Variants in KIF13A observed in about 807,000 individuals in gnomAD.
The protein encoded by KIF13A is kinesin-like protein KIF13A.
Under a neutral mutation model 212.2 loss-of-function variants are expected in KIF13A, and 79 were observed. That is an observed-to-expected ratio of 0.37 (90% CI 0.31 to 0.45). KIF13A has a LOEUF of 0.45. Among genes scored for constraint, KIF13A ranks in the 20% least tolerant of loss-of-function variants. The probability of loss-of-function intolerance (pLI) is 1.00; values close to 1 mark genes in which losing one functional copy is unlikely to be tolerated. For synonymous variants in KIF13A, 789 were observed against 808.6 expected, an observed-to-expected ratio of 0.98 and a Z score of 0.41; for missense variants, 1,901 against 2,209.0, an observed-to-expected ratio of 0.86 and a Z score of 2.79.
At position 17,783,938 on chromosome 6, in the gene KIF13A, A is replaced by T. The variant is rs1760827863; in HGVS notation, c.3489-237T>A. Among the ~76,000 whole-genome samples, 1 of 152,234 alleles carries T rather than the reference A, an allele frequency of 6.6e-6. No homozygotes were observed. Among genetic ancestry groups the T allele is most frequent in the Admixed American group, 6.5e-5 (1 of 15,288 alleles). ...CATGTAATTAATTGAAACAAAGATG[A>T]TTTTAAGCCTTTCTAAAAATAATTC... On this transcript the variant is annotated intron_variant, in intron 28 of 38. Transcript: ENST00000259711. This position sits in a 1 kb window ranked among gnomAD's most constrained non-coding sequence, Gnocchi z 4.3.
At chr6:17,890,360 C>T (rs575117814) in intron 3 of KIF13A, among the ~76,000 whole-genome samples, 153 of 151,992 alleles carry the variant, frequency 1.0e-3, no homozygotes, top group Non-Finnish European at 1.9e-3. Flanking sequence ...GAAACTTGAC[C>T]CAGATAAGAC....
intron 3 of KIF13A, among the ~76,000 whole-genome samples, chr6:17,880,759 T>C (rs940176281): frequency 6.6e-6 from 1 of 151,278 alleles, no homozygotes; most frequent in African/African-American, 2.4e-5. Flanking sequence ...TAGCTAGGAC[T>C]ACAGGCACAT....
At chr6:17,973,617 T>TA (rs1780013583) in intron 2 of KIF13A, among the ~76,000 whole-genome samples, 1 of 151,324 alleles carries the variant, frequency 6.6e-6, no homozygotes, top group Non-Finnish European at 1.5e-5. Flanking sequence ...CATTACAACT[T>TA]AAAGAAAAAA....
intron 2 of KIF13A, among the ~76,000 whole-genome samples, chr6:17,938,306 C>T (rs1247799857): frequency 6.6e-6 from 1 of 152,106 alleles, no homozygotes; most frequent in Non-Finnish European, 1.5e-5. Context: ...CAACAAAGAC[C>T]TACCAAATGA....
intron 19 of KIF13A, among the ~76,000 whole-genome samples, chr6:17,804,898 C>G (rs1762813332): frequency 6.9e-6 from 1 of 145,170 alleles, no homozygotes; most frequent in Non-Finnish European, 1.5e-5. Context: ...AATGCCTGTG[C>G]AGAAGATTCC....
At chr6:17,911,492 TA>T (rs1774058006) in intron 2 of KIF13A, among the ~76,000 whole-genome samples, 1 of 152,230 alleles carries the variant, frequency 6.6e-6, no homozygotes, top group African/African-American at 2.4e-5. Context: ...AACACTTTTT[TA>T]AAATAAAAGA....
intron 4 of KIF13A, among the ~76,000 whole-genome samples, chr6:17,857,776 T>A (rs1768281370): frequency 6.6e-6 from 1 of 152,198 alleles, no homozygotes; most frequent in Non-Finnish European, 1.5e-5. Context: ...ATGCCTACAC[T>A]GCCTGACCCA....
intron 4 of KIF13A, among the ~76,000 whole-genome samples, chr6:17,865,495 C>T (rs1009210606): frequency 6.6e-6 from 1 of 152,192 alleles, no homozygotes; most frequent in African/African-American, 2.4e-5. Flanking sequence ...CTGGACAGCG[C>T]AAGACCAGAC....
Position 17,968,355 on chromosome 6 carries a change from C to A in KIF13A, c.146+18699G>T, listed in dbSNP as rs1779505834. Among the ~76,000 whole-genome samples, 1 of 152,232 alleles carries A rather than the reference C, an allele frequency of 6.6e-6. No homozygotes were observed. Among genetic ancestry groups the A allele is most frequent in the Non-Finnish European group, 1.5e-5 (1 of 68,044 alleles). On this transcript the variant is annotated intron_variant, in intron 2 of 38. Coordinates refer to ENST00000259711, the MANE Select transcript of KIF13A (RefSeq NM_022113.6). This position sits in a 1 kb window ranked among gnomAD's most constrained non-coding sequence, Gnocchi z 4.7. Reference sequence around the variant, plus strand: ...CCAGTACCTCTCCTTTCTCTCAATTCTTTCACTCCAGTCCTCTCTCCCTAT... The same window carrying A: ...CCAGTACCTCTCCTTTCTCTCAATTATTTCACTCCAGTCCTCTCTCCCTAT...
intron 2 of KIF13A, among the ~76,000 whole-genome samples, chr6:17,943,400 A>ATTTTTTTTTTTTTTTTTTTTTTTTTTTT (rs11311833): frequency 7.6e-6 from 1 of 132,290 alleles, no homozygotes; most frequent in Non-Finnish European, 1.6e-5. Flanking sequence ...TAAAACACAG[A>ATTTTTTTTTTTTTTTTTTTTTTTTTTTT]TTTTTTTTTT....
chr6:17,941,326 T>C (rs1251998812), intron 2 of KIF13A, among the ~76,000 whole-genome samples: 2 of 152,094 alleles, frequency 1.3e-5, no homozygotes, highest in Non-Finnish European at 1.5e-5. Flanking sequence ...CAAATCAAAA[T>C]CAAAGATCTC....
rs905903459 is a variant in KIF13A at position 17,875,003 on chromosome 6, G to GCACACA, written c.160-1572_160-1567dup. On this transcript the variant is annotated intron_variant, in intron 3 of 38. Transcript: ENST00000259711. ...CACACACACACACACGCACACGCAC[G>GCACACA]CACACACACACACACACACACAGCA... Among the ~76,000 whole-genome samples, 8 of 133,386 alleles carry GCACACA rather than the reference G, an allele frequency of 6.0e-5. No individual in the cohort carries two copies. In the East Asian group the frequency reaches 8.5e-4, roughly 14 times the overall value. The allele number at this position is 133,386 out of a possible 152,430, so 87.5% of individuals were successfully genotyped here. A position where few individuals can be genotyped will look rare whatever the true frequency, so the allele number is the denominator to read the frequency against.
At position 17,951,022 on chromosome 6, in the gene KIF13A, T is replaced by C; in HGVS notation, c.146+36032A>G. The C allele has an allele frequency of 1.0e-6, 1 of 1,003,662 alleles. No individual in the cohort carries two copies. The highest frequency in any genetic ancestry group is 1.2e-6 in the Non-Finnish European group (1 of 839,030). 62.2% of individuals were successfully genotyped at this position (1,003,662 alleles called of 1,614,324 possible). Reference sequence around the variant, plus strand: ...ACTATTGAACATAAATGACTAAATATATGGGCTATCACAAACCCACTTTAG... The same window carrying C: ...ACTATTGAACATAAATGACTAAATACATGGGCTATCACAAACCCACTTTAG... On this transcript the variant is annotated intron_variant, in intron 2 of 38. Transcript: ENST00000259711. The surrounding 1 kb of genome is among the most constrained non-coding windows in gnomAD (Gnocchi z 4.9).
chr6:17,871,680 T>C lies in KIF13A; in HGVS notation c.220+1697A>G, dbSNP rs961719983. On this transcript the variant is annotated intron_variant, in intron 4 of 38. Transcript: ENST00000259711. The surrounding 1 kb of genome is among the most constrained non-coding windows in gnomAD (Gnocchi z 4.4). ...AGAAGAGACAGTGGAGAAGGTAGAATGGGGTTATATAATAAAGGACCTCAA... is the reference window on the plus strand; with the variant it reads ...AGAAGAGACAGTGGAGAAGGTAGAACGGGGTTATATAATAAAGGACCTCAA... Among the ~76,000 whole-genome samples the C allele has an allele frequency of 2.0e-5, 3 of 152,074 alleles. No individual in the cohort carries two copies. The highest frequency in any genetic ancestry group is 6.6e-5 in the Admixed American group (1 of 15,262).
intron 4 of KIF13A, among the ~76,000 whole-genome samples, chr6:17,858,081 ATGTG>A (rs58092993): frequency 0.057 from 8,197 of 144,352 alleles, 241 homozygotes; most frequent in African/African-American, 0.062. Context: ...TCAAATAGTT[ATGTG>A]TGTGTGTGTG....
At chr6:17,861,869 G>A (rs747769297) in intron 4 of KIF13A, among the ~76,000 whole-genome samples, 2 of 151,998 alleles carry the variant, frequency 1.3e-5, no homozygotes, top group Non-Finnish European at 1.5e-5. Flanking sequence ...TTGGTCATAC[G>A]AAAGCTCCTG....
chr6:17,891,262 A>G (rs1772027974), intron 3 of KIF13A, among the ~76,000 whole-genome samples: 1 of 152,214 alleles, frequency 6.6e-6, no homozygotes, highest in South Asian at 2.1e-4. Context: ...TCTCCACTCA[A>G]GAGTGCAAAT....
intron 3 of KIF13A, among the ~76,000 whole-genome samples, chr6:17,879,816 C>T (rs1770897520): frequency 6.6e-6 from 1 of 152,122 alleles, no homozygotes; most frequent in Non-Finnish European, 1.5e-5. Flanking sequence ...ATGAATAACA[C>T]AAGGTTTGTT....
rs1178605739 is a variant in KIF13A at position 17,987,492 on chromosome 6, G to C, written c.-29C>G. On this transcript the variant is annotated 5_prime_UTR_variant, in exon 1 of 39. Transcript: ENST00000259711. The surrounding 1 kb of genome is among the most constrained non-coding windows in gnomAD (Gnocchi z 7.7). ...GGCTGCGCTCGCCCGGCCGCTCGCC[G>C]CGCCCGCTCGGCCTTAGGCGGCCCC... The C allele has an allele frequency of 8.1e-7, 1 of 1,240,328 alleles. No homozygotes were observed. The highest frequency in any genetic ancestry group is 6.6e-5 in the East Asian group (1 of 15,190). The allele number at this position is 1,240,328 out of a possible 1,614,324, so 76.8% of individuals were successfully genotyped here.
Sources: gnomAD v4.1 joint callset for allele counts (sites outside exome capture counted in the v4.1 genomes callset) on GRCh38, gnomAD v4.1.1 for gene constraint, Gnocchi (gnomAD v3.1) non-coding constraint, MANE v1.5 for transcripts, NCBI Gene and HGNC (gene_info 2026-07-23, HGNC 2026-07-21) for gene names.